Variants in CACNA2D1 observed in about 807,000 individuals in gnomAD.
CACNA2D1 encodes calcium voltage-gated channel auxiliary subunit alpha2delta 1.
Under a neutral mutation model 171.5 loss-of-function variants are expected in CACNA2D1, and 53 were observed. The observed-to-expected ratio is 0.31, with a 90% CI of 0.25 to 0.39. The LOEUF is 0.39. CACNA2D1 is among the 10% of genes least tolerant of loss of function. The pLI, the probability that CACNA2D1 is intolerant of heterozygous loss-of-function variation, is 1.00. For synonymous variants in CACNA2D1, 442 were observed against 443.1 expected (o/e 1.00, Z 0.03); for missense variants, 903 against 1,299.8 (o/e 0.69, Z 4.69).
chr7:82,359,338 T>C (rs1306430545), intron 1 of CACNA2D1, among the ~76,000 whole-genome samples: 4 of 152,184 alleles, frequency 2.6e-5, no homozygotes, highest in Non-Finnish European at 5.9e-5. Flanking sequence ...TATTACTTAA[T>C]GTCATGGTAA....
chr7:82,221,279 T>A (rs1218682904), intron 3 of CACNA2D1, among the ~76,000 whole-genome samples: 1 of 152,186 alleles, frequency 6.6e-6, no homozygotes, highest in African/African-American at 2.4e-5. Context: ...ACCACACTTT[T>A]GCGAACTGTG....
intron 4 of CACNA2D1, among the ~76,000 whole-genome samples, chr7:82,137,443 C>A (rs1255541777): frequency 6.6e-6 from 1 of 152,104 alleles, no homozygotes; most frequent in Non-Finnish European, 1.5e-5. Context: ...AAATAATCCA[C>A]TTAGACTGAT....
At chr7:82,300,569 C>T (rs536507080) in intron 3 of CACNA2D1, among the ~76,000 whole-genome samples, 20 of 152,164 alleles carry the variant, frequency 1.3e-4, no homozygotes, top group African/African-American at 4.6e-4. Flanking sequence ...CAGGAAAGAC[C>T]ATGTTTTCAC....
chr7:82,003,299 T>C (rs1798785742), intron 18 of CACNA2D1, among the ~76,000 whole-genome samples: 1 of 152,054 alleles, frequency 6.6e-6, no homozygotes, highest in Non-Finnish European at 1.5e-5. Context: ...TAATATTTGC[T>C]TTAATAAAAT....
intron 3 of CACNA2D1, among the ~76,000 whole-genome samples, chr7:82,211,125 T>C (rs922321154): frequency 2.6e-5 from 4 of 152,188 alleles, no homozygotes; most frequent in Non-Finnish European, 4.4e-5. Flanking sequence ...CCTCAATTTT[T>C]ATGGTGAGGC....
intron 1 of CACNA2D1, among the ~76,000 whole-genome samples, chr7:82,409,643 TCTGTGGTATAAAGCCA>T (rs1243881163): frequency 2.0e-5 from 3 of 152,190 alleles, no homozygotes; most frequent in Non-Finnish European, 4.4e-5. Flanking sequence ...CAAATGTGTA[TCTGTGGTATAAAGCCA>T]CTGTACCTCT....
At chr7:82,254,018 A>T (rs1805979198) in intron 3 of CACNA2D1, among the ~76,000 whole-genome samples, 2 of 152,192 alleles carry the variant, frequency 1.3e-5, no homozygotes, top group Admixed American at 1.3e-4. Flanking sequence ...TAGATTACTC[A>T]TCTAATCTCT....
chr7:82,215,535 G>A (rs548509535), intron 3 of CACNA2D1, among the ~76,000 whole-genome samples: 1 of 152,042 alleles, frequency 6.6e-6, no homozygotes, highest in Non-Finnish European at 1.5e-5. Context: ...CTTGAAATAT[G>A]ATTTAGCAAT....
chr7:82,138,833 T>C (rs1461497939), intron 4 of CACNA2D1, among the ~76,000 whole-genome samples: 1 of 152,164 alleles, frequency 6.6e-6, no homozygotes, highest in African/African-American at 2.4e-5. Flanking sequence ...CCAAACCTAA[T>C]TACTAGTTTA....
intron 4 of CACNA2D1, among the ~76,000 whole-genome samples, chr7:82,150,970 G>A (rs1427115012): frequency 6.6e-6 from 1 of 152,098 alleles, no homozygotes; most frequent in African/African-American, 2.4e-5. Context: ...TTTAGTAACT[G>A]TATTTAAGTT....
chr7:82,425,505 A>T (rs1829090485), intron 1 of CACNA2D1, among the ~76,000 whole-genome samples: 1 of 151,854 alleles, frequency 6.6e-6, no homozygotes, highest in Non-Finnish European at 1.5e-5. Flanking sequence ...ATAAATAAAT[A>T]AATTTACATT....
intron 1 of CACNA2D1, among the ~76,000 whole-genome samples, chr7:82,438,424 A>G (rs1830261163): frequency 1.3e-5 from 2 of 152,218 alleles, no homozygotes; most frequent in African/African-American, 4.8e-5. Context: ...TACGATGTTA[A>G]TATTTTGGAC....
chr7:82,064,288 G>A lies in CACNA2D1; in HGVS notation c.779+16C>T. 3 of 1,532,970 alleles carry A rather than the reference G, an allele frequency of 2.0e-6. No homozygotes were observed. The highest frequency in any genetic ancestry group is 1.1e-5 in the South Asian group (1 of 89,240). 95.0% of individuals were successfully genotyped at this position (1,532,970 alleles called of 1,614,324 possible). ...CATATTCTCAATATATAAATAAGTAGTATTTAACAACTCACACATCCACCA... is the reference window on the plus strand; with the variant it reads ...CATATTCTCAATATATAAATAAGTAATATTTAACAACTCACACATCCACCA... On this transcript the variant is annotated intron_variant, in intron 9 of 38. Transcript: ENST00000356860.
chr7:82,282,227 G>A (rs1810207426), intron 3 of CACNA2D1, among the ~76,000 whole-genome samples: 1 of 152,196 alleles, frequency 6.6e-6, no homozygotes, highest in Non-Finnish European at 1.5e-5. Context: ...GAACCCAGGA[G>A]GCGGAGGTTG....
chr7:82,137,834 C>T (rs189717554), intron 4 of CACNA2D1, among the ~76,000 whole-genome samples: 4 of 151,636 alleles, frequency 2.6e-5, no homozygotes, highest in East Asian at 3.9e-4. Flanking sequence ...GAGCTGAGAT[C>T]GCGCGACAGA....
rs1810952965 is a variant in CACNA2D1 at position 82,090,012 on chromosome 7, A to G, written c.527-5112T>C. On this transcript the variant is annotated intron_variant, in intron 6 of 38. Coordinates refer to ENST00000356860, the MANE Select transcript of CACNA2D1 (RefSeq NM_000722.4). ...CTTTGAGATGTCATTGACATATAAA[A>G]TAGTATAAAGTATGAAATGTGATGT... Among the ~76,000 whole-genome samples the G allele has an allele frequency of 1.3e-5, 2 of 152,222 alleles. 1 individual carries two copies. The highest frequency in any genetic ancestry group is 4.1e-4 in the South Asian group (2 of 4,832).
rs554650458 is a variant in CACNA2D1, at chr7:82,209,723, T to G, written c.295-39114A>C. On this transcript the variant is annotated intron_variant, in intron 3 of 38. Transcript: ENST00000356860. Reference sequence around the variant, plus strand: ...AAAGAAACAAAAACACGCATTTTTCTGAAATAATGGAGGTTGTGAAATATT... The same window carrying G: ...AAAGAAACAAAAACACGCATTTTTCGGAAATAATGGAGGTTGTGAAATATT... 2.0e-5 allele frequency among the ~76,000 whole-genome samples: 3 copies of G among 152,324 alleles called. No individual in the cohort carries two copies. In the South Asian group the frequency reaches 6.2e-4, roughly 32 times the overall value.
intron 3 of CACNA2D1, among the ~76,000 whole-genome samples, chr7:82,318,001 T>C (rs1000451717): frequency 5.3e-5 from 8 of 151,882 alleles, no homozygotes; most frequent in African/African-American, 1.7e-4. Context: ...TCCTTTCTCC[T>C]TTAATTGTGT....
At chr7:82,005,957 A>G (rs1799078488) in intron 16 of CACNA2D1, 118 bp from the exon 17 acceptor site, 2 of 728,854 alleles carry the variant, frequency 2.7e-6, no homozygotes, top group East Asian at 2.6e-5. Context: ...GTTTAAATGT[A>G]TATATAGGGT....
Sources: gnomAD v4.1 joint callset for allele counts (sites outside exome capture counted in the v4.1 genomes callset) on GRCh38, gnomAD v4.1.1 for gene constraint, MANE v1.5 for transcripts, NCBI Gene and HGNC (gene_info 2026-07-23, HGNC 2026-07-21) for gene names.